The following ZNF800 variants were observed in gnomAD, a reference collection of about 807,000 sequenced individuals.
ZNF800 encodes zinc finger protein 800.
ZNF800 carries 13 observed loss-of-function variants against 59.5 expected under a neutral mutation model. The observed-to-expected ratio is 0.22, with a 90% CI of 0.14 to 0.35. ZNF800 has a LOEUF of 0.35. Among genes scored for constraint, ZNF800 ranks in the 10% least tolerant of loss-of-function variants. The pLI is 1.00. For synonymous variants in ZNF800, 266 were observed against 265.7 expected, an observed-to-expected ratio of 1.00 and a Z score of -0.01; for missense variants, 621 against 783.7, an observed-to-expected ratio of 0.79 and a Z score of 2.48.
chr7:127,388,747 A>AT (rs1801219065), intron 2 of ZNF800, among the ~76,000 whole-genome samples: 1 of 152,194 alleles, frequency 6.6e-6, no homozygotes, highest in African/African-American at 2.4e-5. Context: ...ACATCCTGAG[A>AT]TAACATTCAA....
rs1402024547 is a variant in ZNF800, at chr7:127,387,818, G to A, written c.62-1663C>T. Among the ~76,000 whole-genome samples the A allele has an allele frequency of 3.3e-5, 5 of 151,918 alleles. No homozygotes were observed. The East Asian group carries it at 5.8e-4, about 18-fold the overall frequency. On this transcript the variant is annotated intron_variant, in intron 2 of 5. Coordinates refer to ENST00000265827, the MANE Select transcript of ZNF800 (RefSeq NM_176814.5). The stretch of plus-strand genomic sequence containing the variant: ...AGAGGTTGCAGTGAGCTGTGATCAC[G>A]CCACTGCACTCCAGCCTGGGCAACA...
At chr7:127,362,236 A>T (rs1257485860) in intron 1 of ZNF800, 1 of 152,160 alleles carries the variant, frequency 6.6e-6, no homozygotes, top group African/African-American at 2.4e-5. Flanking sequence ...TCAGAAATAC[A>T]AATAGCCTCC....
intron 3 of ZNF800, among the ~76,000 whole-genome samples, chr7:127,383,217 T>G (rs1410219683): frequency 6.6e-6 from 1 of 151,620 alleles, no homozygotes; most frequent in Non-Finnish European, 1.5e-5. Flanking sequence ...GCATAGGAAT[T>G]AATACCTGGT....
At chr7:127,378,971 T>C (rs1800873324) in intron 3 of ZNF800, among the ~76,000 whole-genome samples, 1 of 151,872 alleles carries the variant, frequency 6.6e-6, no homozygotes, top group African/African-American at 2.4e-5. Flanking sequence ...TGAACCTAAA[T>C]CCCAGGGAAA....
chr7:127,389,956 T>C (rs1038333669), intron 2 of ZNF800, among the ~76,000 whole-genome samples: 4 of 116,218 alleles, frequency 3.4e-5, no homozygotes, highest in Admixed American at 8.8e-5. Context: ...AATTAGCTTA[T>C]TTGTTTACTT....
chr7:127,350,112 T>C (rs935477790), intron 1 of ZNF800: 2 of 152,244 alleles, frequency 1.3e-5, no homozygotes, highest in African/African-American at 2.4e-5. Flanking sequence ...ATGAGCTGAT[T>C]TCCTCTCATT....
chr7:127,352,914 AC>A (rs1477938014), intron 1 of ZNF800, among the ~76,000 whole-genome samples: 5 of 150,502 alleles, frequency 3.3e-5, no homozygotes, highest in African/African-American at 1.2e-4. Flanking sequence ...ACACACACAC[AC>A]ACAATAACCA....
rs531204889 is a variant in ZNF800 at position 127,372,591 on chromosome 7, TTA to T, written c.1994+749_1994+750del. The T allele has an allele frequency of 7.1e-5, 70 of 981,726 alleles. 2 individuals are homozygous for T. The African/African-American group carries it at 9.4e-4, about 13-fold the overall frequency. 60.8% of individuals were successfully genotyped at this position (981,726 alleles called of 1,614,324 possible). A position where few individuals can be genotyped will look rare whatever the true frequency, so the allele number is the denominator to read the frequency against. On this transcript the variant is annotated intron_variant, in intron 5 of 5. Transcript: ENST00000265827. ...TCCCTAGTTAATAATATTAACTATG[TTA>T]AAATGATCACCAAAAAGTTTATTAA...
chr7:127,344,118 G>A (rs1800017378), downstream of ZNF800, among the ~76,000 whole-genome samples: 1 of 151,968 alleles, frequency 6.6e-6, no homozygotes, highest in South Asian at 2.1e-4. Flanking sequence ...TAAAGGAAGA[G>A]AGAAAAATCA....
At chr7:127,362,454 A>T (rs1300596386) in intron 1 of ZNF800, 2 of 152,154 alleles carry the variant, frequency 1.3e-5, no homozygotes, top group African/African-American at 4.8e-5. Context: ...GTCTGTGAGA[A>T]TGTACTAAGA....
In ZNF800 at chr7:127,373,310, A is replaced by C. The variant is rs201097436; in HGVS notation, c.1994+32T>G. The C allele has an allele frequency of 6.5e-6, 10 of 1,533,748 alleles. No homozygotes were observed. The African/African-American group carries it at 1.3e-4, about 19-fold the overall frequency. On this transcript the variant is annotated intron_variant, in intron 5 of 5. Transcript: ENST00000265827. ...ATTTTTTTTTTAGTTCGATGGGGGG[A>C]AAAAAGCAAAACTCTGTTAACTGTT... is the stretch of plus-strand genomic sequence containing the variant.
Position 127,374,809 on chromosome 7 carries a change from T to A in ZNF800, c.527A>T (p.Glu176Val). The part of the protein sequence containing the change: ...TEVQIQETST[E>V]QSKTVPVTDT... ...TGTAACCGGTACTGTTTTTGACTGT[T>A]CAGTGCTAGTTTCCTGTATCTGAAC... is the stretch of plus-strand genomic sequence containing the variant. Residue 176 changes from glutamate (E) to valine (V), a missense_variant, in exon 5 of 6, where the codon GAA becomes GTA. This residue lies in a region of ZNF800 where 218 missense variants were observed against 230.8 expected (regional missense o/e 0.94). Coordinates refer to ENST00000265827, the MANE Select transcript of ZNF800 (RefSeq NM_176814.5). The A allele has an allele frequency of 6.2e-7, 1 of 1,613,488 alleles. No individual in the cohort carries two copies. Among genetic ancestry groups the A allele is most frequent in the Non-Finnish European group, 8.5e-7 (1 of 1,179,742 alleles).
At chr7:127,342,922 AT>A (rs1176820153), downstream of ZNF800, among the ~76,000 whole-genome samples, 9 of 152,148 alleles carry the variant, frequency 5.9e-5, no homozygotes, top group Admixed American at 1.3e-4. Context: ...TAATAAGTTT[AT>A]TCTTTATTAA....
chr7:127,344,801 A>G (rs1473071225), downstream of ZNF800, among the ~76,000 whole-genome samples: 2 of 152,132 alleles, frequency 1.3e-5, no homozygotes, highest in Non-Finnish European at 2.9e-5. Flanking sequence ...CAACAACTAA[A>G]TAAATATTTA....
chr7:127,372,336 C>T (rs1370246802), intron 5 of ZNF800, among the ~76,000 whole-genome samples: 1 of 151,752 alleles, frequency 6.6e-6, no homozygotes. Context: ...CAAAATTAGC[C>T]GGGTGTGGTG....
downstream of ZNF800, among the ~76,000 whole-genome samples, chr7:127,367,219 G>T (rs186554427): frequency 2.0e-3 from 308 of 151,976 alleles, 1 homozygote; most frequent in African/African-American, 5.0e-3. Flanking sequence ...ATCCTATAAG[G>T]CCTGATCACT....
At chr7:127,367,151 T>C (rs1361287344), downstream of ZNF800, among the ~76,000 whole-genome samples, 2 of 152,106 alleles carry the variant, frequency 1.3e-5, no homozygotes, top group Non-Finnish European at 2.9e-5. Context: ...TCTCATTTTG[T>C]AACACCTACC....
exon 2 of ZNF800, chr7:127,347,389 T>TGGGGGGGGGGGGGGGGGGG: frequency 2.7e-5 from 1 of 37,120 alleles, no homozygotes; most frequent in East Asian, 1.4e-3. Flanking sequence ...GGCGGGGGGG[T>TGGGGGGGGGGGGGGGGGGG]GGGGAGGTGG....
chr7:127,364,734 T>C (rs919866703), intron 1 of ZNF800: 2 of 152,062 alleles, frequency 1.3e-5, no homozygotes, highest in Non-Finnish European at 2.9e-5. Context: ...AGTGCTGGAC[T>C]TGGAACAGAA....
Sources: gnomAD v4.1 joint callset for allele counts (sites outside exome capture counted in the v4.1 genomes callset) on GRCh38, gnomAD v4.1.1 for gene constraint, gnomAD v4.1.1 regional missense constraint, MANE v1.5 for transcripts, NCBI Gene and HGNC (gene_info 2026-07-23, HGNC 2026-07-21) for gene names.